Variants in NUP133 observed in about 807,000 individuals in gnomAD.
The protein encoded by NUP133 is nucleoporin 133.
Under a neutral mutation model 146.2 loss-of-function variants are expected in NUP133, and 66 were observed. The ratio of observed to expected loss-of-function variants is 0.45; its 90% CI spans 0.37 to 0.55. NUP133 has a LOEUF of 0.55. Ranked by LOEUF, NUP133 falls within the 20% of genes least tolerant of loss-of-function variation. The pLI is 0.00. For missense variants in NUP133, 1,277 were observed against 1,374.8 expected, an observed-to-expected ratio of 0.93 and a Z score of 1.12; for synonymous variants, 521 against 498.8, an observed-to-expected ratio of 1.04 and a Z score of -0.59.
At chr1:229,493,091 G>A (rs1661564418) in intron 8 of NUP133, among the ~76,000 whole-genome samples, 1 of 151,756 alleles carries the variant, frequency 6.6e-6, no homozygotes, top group Non-Finnish European at 1.5e-5. Flanking sequence ...ATGAAGTTAA[G>A]GTTAAAAAAA....
intron 5 of NUP133, 76 bp downstream of exon 5, chr1:229,499,608 A>G: frequency 6.7e-7 from 1 of 1,500,224 alleles, no homozygotes; most frequent in Non-Finnish European, 9.0e-7. Context: ...ACCTCTATTT[A>G]AAAATAAAAA....
chr1:229,470,457 T>G, intron 15 of NUP133, 123 bp downstream of exon 15: 1 of 772,150 alleles, frequency 1.3e-6, no homozygotes, highest in Non-Finnish European at 2.1e-6. Flanking sequence ...AAATCTGGAG[T>G]CCAATTTAAA....
intron 8 of NUP133, among the ~76,000 whole-genome samples, chr1:229,491,405 G>A (rs1263572111): frequency 6.6e-6 from 1 of 152,202 alleles, no homozygotes; most frequent in Non-Finnish European, 1.5e-5. Flanking sequence ...AACACTTTGG[G>A]AAGCTGAGAT....
chr1:229,473,796 C>T (rs1330535654), intron 14 of NUP133, among the ~76,000 whole-genome samples: 4 of 152,034 alleles, frequency 2.6e-5, no homozygotes, highest in South Asian at 4.1e-4. Context: ...CAGCACCATG[C>T]GCCTGTAGTC....
intron 18 of NUP133, 36 bp from the exon 19 acceptor site, chr1:229,463,712 T>C (rs142591569): frequency 2.6e-6 from 4 of 1,556,608 alleles, no homozygotes; most frequent in East Asian, 2.3e-5. Flanking sequence ...AAAATCCTGT[T>C]AGCAAAACTT....
chr1:229,458,048 A>T, intron 21 of NUP133, 113 bp downstream of exon 21: 1 of 1,090,780 alleles, frequency 9.2e-7, no homozygotes, highest in African/African-American at 1.6e-5. Context: ...CATTCCTCTT[A>T]GAGACAGGTC....
chr1:229,494,170 A>T (rs1481222275), intron 8 of NUP133, among the ~76,000 whole-genome samples: 1 of 152,196 alleles, frequency 6.6e-6, no homozygotes, highest in Non-Finnish European at 1.5e-5. Context: ...TCTGTATTAT[A>T]TGCCCATAGT....
At chr1:229,489,930 G>T in intron 9 of NUP133, 25 bp downstream of exon 9, 1 of 1,532,588 alleles carries the variant, frequency 6.5e-7, no homozygotes, top group Non-Finnish European at 8.8e-7. Context: ...TTATTGCTTT[G>T]TAATTTAACC....
At chr1:229,456,828 C>CTTT (rs34793471) in intron 21 of NUP133, among the ~76,000 whole-genome samples, 1 of 139,634 alleles carries the variant, frequency 7.2e-6, no homozygotes, top group Non-Finnish European at 1.6e-5. Flanking sequence ...TAGAGAGAGA[C>CTTT]TTTTTTTTTT....
intron 24 of NUP133, among the ~76,000 whole-genome samples, chr1:229,448,433 T>TA (rs1014057874): frequency 1.3e-5 from 2 of 151,084 alleles, no homozygotes; most frequent in Non-Finnish European, 3.0e-5. Context: ...TGTCTCAAAA[T>TA]AAAAAAATAA....
At chr1:229,478,758 G>C (rs1448191965) in intron 12 of NUP133, among the ~76,000 whole-genome samples, 2 of 152,080 alleles carry the variant, frequency 1.3e-5, no homozygotes, top group Admixed American at 6.5e-5. Context: ...TAGAGGACAC[G>C]GTCTTGTAAA....
intron 12 of NUP133, among the ~76,000 whole-genome samples, chr1:229,483,715 A>AC (rs1661276718): frequency 6.6e-6 from 1 of 151,690 alleles, no homozygotes; most frequent in African/African-American, 2.4e-5. Flanking sequence ...AAAAAAAAAA[A>AC]AAAAAACTTT....
intron 2 of NUP133, among the ~76,000 whole-genome samples, chr1:229,505,614 T>C (rs1392794855): frequency 7.1e-6 from 1 of 139,904 alleles, no homozygotes. Context: ...TGGCCAGATG[T>C]GGTGGCTCAC....
intron 2 of NUP133, among the ~76,000 whole-genome samples, chr1:229,503,784 G>A (rs1412950811): frequency 1.3e-5 from 2 of 152,150 alleles, no homozygotes; most frequent in Admixed American, 1.3e-4. Context: ...GTAGTTGGCA[G>A]GTTTCTAAGT....
intron 8 of NUP133, among the ~76,000 whole-genome samples, chr1:229,493,535 G>C (rs1661575478): frequency 6.6e-6 from 1 of 152,198 alleles, no homozygotes; most frequent in South Asian, 2.1e-4. Context: ...CAACAAATCA[G>C]TAGGTGTGAA....
chr1:229,462,107 C>T (rs1660706686), intron 19 of NUP133, among the ~76,000 whole-genome samples: 1 of 152,224 alleles, frequency 6.6e-6, no homozygotes, highest in South Asian at 2.1e-4. Context: ...TGGTCTCGAA[C>T]TCCTGACCTC....
intron 20 of NUP133, 26 bp downstream of exon 20, chr1:229,460,585 C>G (rs777415219): frequency 6.2e-7 from 1 of 1,605,582 alleles, no homozygotes; most frequent in South Asian, 1.1e-5. Flanking sequence ...TTGCACACAT[C>G]TGCTCCATAG....
At chr1:229,486,636 T>C in intron 10 of NUP133, 108 bp from the exon 11 acceptor site, 1 of 1,062,872 alleles carries the variant, frequency 9.4e-7, no homozygotes, top group Non-Finnish European at 1.3e-6. Context: ...ATTAAGCACA[T>C]TTTTTCCTTT....
chr1:229,501,888 A>T, intron 3 of NUP133, 111 bp downstream of exon 3: 1 of 720,408 alleles, frequency 1.4e-6, no homozygotes, highest in Non-Finnish European at 2.4e-6. Context: ...CTTAATGCCT[A>T]AGTAGTTTCC....
Sources: gnomAD v4.1 joint callset for allele counts (sites outside exome capture counted in the v4.1 genomes callset) on GRCh38, gnomAD v4.1.1 for gene constraint, MANE v1.5 for transcripts, NCBI Gene and HGNC (gene_info 2026-07-23, HGNC 2026-07-21) for gene names.